TUBGCP3: variants seen among roughly 807,000 people sequenced by gnomAD.
TUBGCP3 encodes the protein gamma-tubulin complex component 3.
In TUBGCP3, 50 loss-of-function variants were observed where a neutral mutation model predicts 123.1. The ratio of observed to expected loss-of-function variants is 0.41; its 90% confidence interval spans 0.32 to 0.51. The LOEUF is 0.51. Ranked by LOEUF, TUBGCP3 falls within the 20% of genes least tolerant of loss-of-function variation. The probability of loss-of-function intolerance (pLI) is 0.36; values close to 1 mark genes in which losing one functional copy is unlikely to be tolerated. For synonymous variants in TUBGCP3, 405 were observed against 413.9 expected (o/e 0.98, Z 0.26); for missense variants, 882 against 1,127.0 (o/e 0.78, Z 3.11).
At chr13:112,562,977 G>A (rs1030862681) in intron 3 of TUBGCP3, among the ~76,000 whole-genome samples, 1 of 152,162 alleles carries the variant, frequency 6.6e-6, no homozygotes, top group South Asian at 2.1e-4. Context: ...GCACCTGCAC[G>A]CTGTTCCCTG....
At position 112,569,071 on chromosome 13, in the gene TUBGCP3, C is replaced by T. The variant is rs1022501556; in HGVS notation, c.184+81G>A. ...ATGCGCTTGGGAACTACATACACAC[C>T]TACACACATGCATACATACATCTGC... On this transcript the variant is annotated intron_variant, in intron 2 of 21. Transcript: ENST00000261965. The T allele has an allele frequency of 6.8e-6, 9 of 1,318,666 alleles. No homozygotes were observed. In the East Asian group the frequency reaches 2.1e-4, roughly 31 times the overall value. The allele number at this position is 1,318,666 out of a possible 1,614,324, so 81.7% of individuals were successfully genotyped here.
upstream of TUBGCP3, among the ~76,000 whole-genome samples, chr13:112,592,254 A>C (rs1882895223): frequency 6.6e-6 from 1 of 152,360 alleles, no homozygotes; most frequent in Admixed American, 6.5e-5. This position sits in a 1 kb window ranked among gnomAD's most constrained non-coding sequence, Gnocchi z 4.1. Context: ...TTGATTCATA[A>C]TGCTTCAATA....
chr13:112,520,385 C>T (rs1876516580), intron 14 of TUBGCP3, among the ~76,000 whole-genome samples: 1 of 151,918 alleles, frequency 6.6e-6, no homozygotes, highest in Non-Finnish European at 1.5e-5. Flanking sequence ...AAAAATTAGC[C>T]CAGCATGGTG....
intron 11 of TUBGCP3, among the ~76,000 whole-genome samples, chr13:112,528,785 A>T (rs1877332043): frequency 6.6e-6 from 1 of 152,026 alleles, no homozygotes; most frequent in Non-Finnish European, 1.5e-5. Context: ...TCCCATTCCT[A>T]GATTATGAAA....
intron 11 of TUBGCP3, among the ~76,000 whole-genome samples, chr13:112,543,206 A>G (rs1216163476): frequency 6.6e-6 from 1 of 152,144 alleles, no homozygotes; most frequent in African/African-American, 2.4e-5. Context: ...AATGGACACA[A>G]TTCTTCATCT....
At chr13:112,527,227 T>C in intron 12 of TUBGCP3, 147 bp downstream of exon 12, 1 of 707,478 alleles carries the variant, frequency 1.4e-6, no homozygotes, top group Non-Finnish European at 2.3e-6. Flanking sequence ...TATACTGATG[T>C]ATTCAATTAA....
intron 17 of TUBGCP3, among the ~76,000 whole-genome samples, chr13:112,505,550 G>A (rs1683783586): frequency 6.6e-6 from 1 of 152,154 alleles, no homozygotes; most frequent in Admixed American, 6.5e-5. Context: ...CTTTATAGAG[G>A]TGTGTAAAAA....
At position 112,524,394 on chromosome 13, in the gene TUBGCP3, G is replaced by C. The variant is rs1876879663; in HGVS notation, c.1556-1885C>G. ...AGCAGACGCGGTGCTCACACAAGCAGCAGCAACCTTCATGGAGAGCCTCCG... is the reference window on the plus strand; with the variant it reads ...AGCAGACGCGGTGCTCACACAAGCACCAGCAACCTTCATGGAGAGCCTCCG... On this transcript the variant is annotated intron_variant, in intron 13 of 21. Coordinates refer to ENST00000261965, the MANE Select transcript of TUBGCP3 (RefSeq NM_006322.6). This position sits in a 1 kb window ranked among gnomAD's most constrained non-coding sequence, Gnocchi z 4.4. 6.6e-6 allele frequency among the ~76,000 whole-genome samples: 1 copy of C among 152,172 alleles called. No individual in the cohort carries two copies.
At chr13:112,570,161 A>G (rs1881289876) in intron 1 of TUBGCP3, among the ~76,000 whole-genome samples, 1 of 151,636 alleles carries the variant, frequency 6.6e-6, no homozygotes, top group African/African-American at 2.4e-5. Context: ...CTGGATGGAC[A>G]CTAGGGTGGC....
At chr13:112,505,611 G>A (rs1175171897) in intron 17 of TUBGCP3, among the ~76,000 whole-genome samples, 1 of 152,218 alleles carries the variant, frequency 6.6e-6, no homozygotes, top group Non-Finnish European at 1.5e-5. Flanking sequence ...GTAAGTTAAA[G>A]ATCAACTGAC....
At chr13:112,555,965 G>C (rs1252942064) in intron 6 of TUBGCP3, 87 bp downstream of exon 6, 11 of 1,406,484 alleles carry the variant, frequency 7.8e-6, no homozygotes, top group Non-Finnish European at 1.1e-5. Context: ...GGTTTGAGGT[G>C]GGGCTCCTGG....
At chr13:112,569,724 T>C (rs952151900) in intron 1 of TUBGCP3, among the ~76,000 whole-genome samples, 35 of 152,052 alleles carry the variant, frequency 2.3e-4, no homozygotes, top group African/African-American at 8.2e-4. Flanking sequence ...GTGCCTCTAC[T>C]CCCTTCAAAA....
intron 17 of TUBGCP3, among the ~76,000 whole-genome samples, chr13:112,506,741 G>C (rs932312827): frequency 2.0e-5 from 3 of 152,204 alleles, no homozygotes; most frequent in African/African-American, 7.2e-5. Context: ...TACGGTCTAA[G>C]ATTTCAAATC....
chr13:112,524,051 A>C lies in TUBGCP3; in HGVS notation c.1556-1542T>G, dbSNP rs1379062736. ...GAGAAGCAGCAGCGTCAGCAGCAGC[A>C]GCGCCCCGTCACCCTCAGCATCTGC... On this transcript the variant is annotated intron_variant, in intron 13 of 21. Transcript: ENST00000261965. This position sits in a 1 kb window ranked among gnomAD's most constrained non-coding sequence, Gnocchi z 4.4. Among the ~76,000 whole-genome samples, 1 of 152,146 alleles carries C rather than the reference A, an allele frequency of 6.6e-6. No individual in the cohort carries two copies. The highest frequency in any genetic ancestry group is 1.5e-5 in the Non-Finnish European group (1 of 68,030).
upstream of TUBGCP3, among the ~76,000 whole-genome samples, chr13:112,588,352 G>T (rs932061183): frequency 3.3e-5 from 5 of 152,246 alleles, no homozygotes; most frequent in African/African-American, 1.2e-4. Context: ...GGGCTTGCTT[G>T]GAGGGCACTT....
At chr13:112,551,054 G>A (rs1338521944) in intron 8 of TUBGCP3, among the ~76,000 whole-genome samples, 2 of 152,122 alleles carry the variant, frequency 1.3e-5, no homozygotes, top group South Asian at 2.1e-4. Flanking sequence ...AGCCGAGATC[G>A]CGCCACTGCA....
intron 13 of TUBGCP3, among the ~76,000 whole-genome samples, chr13:112,523,431 T>C (rs1196272023): frequency 1.3e-5 from 2 of 152,228 alleles, no homozygotes; most frequent in African/African-American, 4.8e-5. Flanking sequence ...GTGTTGCTAT[T>C]ATTCCAATTT....
At chr13:112,582,370 G>A (rs1882328438) in intron 1 of TUBGCP3, among the ~76,000 whole-genome samples, 2 of 152,222 alleles carry the variant, frequency 1.3e-5, no homozygotes, top group South Asian at 4.1e-4. Flanking sequence ...TGGCACATAA[G>A]TACCCAAGGC....
intron 1 of TUBGCP3, among the ~76,000 whole-genome samples, chr13:112,573,721 G>T (rs114682806): frequency 6.6e-6 from 1 of 152,236 alleles, no homozygotes; most frequent in Non-Finnish European, 1.5e-5. Flanking sequence ...ATTGGAGCTG[G>T]TGCCAGGGTG....
Sources: allele counts gnomAD v4.1 joint callset (sites outside exome capture counted in the v4.1 genomes callset), GRCh38; gene constraint gnomAD v4.1.1; non-coding constraint Gnocchi (gnomAD v3.1); transcripts MANE v1.5; gene names NCBI Gene and HGNC (gene_info 2026-07-23, HGNC 2026-07-21).